GABRB2: variants seen among roughly 807,000 people sequenced by gnomAD.
The protein encoded by GABRB2 is gamma-aminobutyric acid receptor subunit beta-2.
In GABRB2, 16 loss-of-function variants were observed where a neutral mutation model predicts 54.7. The observed-to-expected ratio is 0.29, with a 90% confidence interval of 0.20 to 0.44. The LOEUF is 0.44. Among genes scored for constraint, GABRB2 ranks in the 20% least tolerant of loss-of-function variants. The pLI is 1.00. For synonymous variants in GABRB2, 244 were observed against 233.8 expected, an observed-to-expected ratio of 1.04 and a Z score of -0.40; for missense variants, 355 against 644.0, an observed-to-expected ratio of 0.55 and a Z score of 4.86.
chr5:161,498,413 T>C lies in GABRB2; in HGVS notation c.238-38569A>G, dbSNP rs1015520265. 3.9e-5 allele frequency among the ~76,000 whole-genome samples: 6 copies of C among 152,206 alleles called. No homozygotes were observed. The South Asian group carries it at 1.0e-3, about 26-fold the overall frequency. ...ATTTCTATTCTGTATCTATTGGCTT[T>C]GAGATGCTGGAGCTGAAATGACCCC... On this transcript the variant is annotated intron_variant, in intron 3 of 9. Coordinates refer to ENST00000393959, the MANE Select transcript of GABRB2 (RefSeq NM_001371727.1).
chr5:161,319,964 T>C (rs1421400425), intron 9 of GABRB2, among the ~76,000 whole-genome samples: 1 of 151,968 alleles, frequency 6.6e-6, no homozygotes, highest in South Asian at 2.1e-4. Flanking sequence ...GATCTTTGCA[T>C]AGTTTTCTTT....
chr5:161,314,367 G>A (rs978012688), intron 9 of GABRB2, among the ~76,000 whole-genome samples: 3 of 152,168 alleles, frequency 2.0e-5, no homozygotes, highest in African/African-American at 7.2e-5. Flanking sequence ...TAGCAGAAGT[G>A]TTGAGAGGCA....
intron 5 of GABRB2, among the ~76,000 whole-genome samples, chr5:161,338,413 C>T (rs1467828222): frequency 3.3e-5 from 5 of 152,132 alleles, no homozygotes; most frequent in Non-Finnish European, 2.9e-5. Flanking sequence ...GATTATACGT[C>T]AGCAATATTT....
chr5:161,347,705 G>A (rs1050061453), intron 5 of GABRB2, among the ~76,000 whole-genome samples: 4 of 152,074 alleles, frequency 2.6e-5, no homozygotes, highest in Non-Finnish European at 5.9e-5. Flanking sequence ...ATCTGGGCCT[G>A]GCTTGGATTG....
intron 4 of GABRB2, among the ~76,000 whole-genome samples, chr5:161,444,195 C>T (rs750631914): frequency 6.6e-6 from 1 of 152,084 alleles, no homozygotes; most frequent in African/African-American, 2.4e-5. Flanking sequence ...ACACACATTC[C>T]CTCTGAAGGA....
At chr5:161,537,886 C>T (rs1252333143) in intron 3 of GABRB2, among the ~76,000 whole-genome samples, 1 of 152,068 alleles carries the variant, frequency 6.6e-6, no homozygotes, top group African/African-American at 2.4e-5. Flanking sequence ...AAAATGACTT[C>T]CAAATCCCTA....
chr5:161,544,065 A>G (rs746581366), intron 3 of GABRB2, among the ~76,000 whole-genome samples: 9 of 152,182 alleles, frequency 5.9e-5, no homozygotes, highest in Admixed American at 4.6e-4. Flanking sequence ...TATGAGGACT[A>G]TGTTGGTTAC....
At chr5:161,358,804 G>C (rs1482234059) in intron 5 of GABRB2, among the ~76,000 whole-genome samples, 2 of 152,096 alleles carry the variant, frequency 1.3e-5, no homozygotes, top group Non-Finnish European at 2.9e-5. Context: ...AAGGAGAGAG[G>C]GGAGAAGGTA....
chr5:161,432,943 G>A (rs1757210136), intron 4 of GABRB2, among the ~76,000 whole-genome samples: 1 of 148,810 alleles, frequency 6.7e-6, no homozygotes, highest in South Asian at 2.1e-4. Context: ...CGTACTTTAT[G>A]GGGATGAGGA....
At chr5:161,359,414 C>A (rs1223299610) in intron 5 of GABRB2, among the ~76,000 whole-genome samples, 1 of 145,600 alleles carries the variant, frequency 6.9e-6, no homozygotes, top group Non-Finnish European at 1.5e-5. Context: ...AAATGTAATA[C>A]CTTTCAAGAG....
chr5:161,517,951 C>A (rs1759998470), intron 3 of GABRB2, among the ~76,000 whole-genome samples: 1 of 149,948 alleles, frequency 6.7e-6, no homozygotes, highest in African/African-American at 2.5e-5. Context: ...CGCCCGCCAC[C>A]ACACCCGCCA....
chr5:161,323,702 C>T (rs73316960), intron 9 of GABRB2, among the ~76,000 whole-genome samples: 7,206 of 152,188 alleles, frequency 0.047, 466 homozygotes, highest in African/African-American at 0.14. Flanking sequence ...TCCTCTTCTC[C>T]AGCACTTATC....
At chr5:161,402,940 T>G (rs1405099860) in intron 5 of GABRB2, among the ~76,000 whole-genome samples, 2 of 151,950 alleles carry the variant, frequency 1.3e-5, no homozygotes, top group Non-Finnish European at 2.9e-5. Flanking sequence ...TGGTGTGGCC[T>G]GATCATTTGA....
At chr5:161,318,686 C>G (rs1446391383) in intron 9 of GABRB2, among the ~76,000 whole-genome samples, 2 of 151,902 alleles carry the variant, frequency 1.3e-5, no homozygotes, top group Non-Finnish European at 2.9e-5. Context: ...ACATACTTTT[C>G]TTTCAAATAA....
At chr5:161,407,584 T>C (rs534110857) in intron 5 of GABRB2, among the ~76,000 whole-genome samples, 1 of 152,076 alleles carries the variant, frequency 6.6e-6, no homozygotes, top group Admixed American at 6.6e-5. Flanking sequence ...TATGTAGGCT[T>C]GGGCATAACT....
At chr5:161,507,017 C>T (rs28579076) in intron 3 of GABRB2, among the ~76,000 whole-genome samples, 5,610 of 152,050 alleles carry the variant, frequency 0.037, 383 homozygotes, top group African/African-American at 0.13. Flanking sequence ...AGAAATTAGT[C>T]GGGTAAGAAA....
intron 2 of GABRB2, among the ~76,000 whole-genome samples, chr5:161,545,763 C>T (rs1760964925): frequency 6.6e-6 from 1 of 152,092 alleles, no homozygotes; most frequent in African/African-American, 2.4e-5. Context: ...AGAGATTCTT[C>T]TTTCCCCTAC....
At chr5:161,545,179 C>G in intron 3 of GABRB2, 48 bp downstream of exon 3, 1 of 1,477,044 alleles carries the variant, frequency 6.8e-7, no homozygotes, top group Admixed American at 1.9e-5. Context: ...TCCTTCCTGT[C>G]CCCAAACGAA....
chr5:161,371,039 C>A (rs1485126496), intron 5 of GABRB2, among the ~76,000 whole-genome samples: 2 of 152,168 alleles, frequency 1.3e-5, no homozygotes, highest in African/African-American at 4.8e-5. Flanking sequence ...CTTTTTCTCA[C>A]TTCTTCCTCC....
Sources: gnomAD v4.1 joint callset for allele counts (sites outside exome capture counted in the v4.1 genomes callset) on GRCh38, gnomAD v4.1.1 for gene constraint, MANE v1.5 for transcripts, NCBI Gene and HGNC (gene_info 2026-07-23, HGNC 2026-07-21) for gene names.